Variants in ZNF425 observed in about 807,000 individuals in gnomAD.
The protein encoded by ZNF425 is zinc finger protein 425.
A neutral mutation model predicts 17.0 loss-of-function variants in ZNF425; 21 were observed. The ratio of observed to expected loss-of-function variants is 1.23; its 90% CI spans 0.88 to 1.78. The LOEUF is 1.78. Ranked by LOEUF, ZNF425 falls within the 40% of genes most tolerant of loss-of-function variation. The pLI, the probability that ZNF425 is intolerant of heterozygous loss-of-function variation, is 0.00. For missense variants in ZNF425, 868 were observed against 967.3 expected, an observed-to-expected ratio of 0.90 and a Z score of 1.36; for synonymous variants, 433 against 384.1, an observed-to-expected ratio of 1.13 and a Z score of -1.49.
chr7:149,115,287 T>C lies in ZNF425; in HGVS notation c.145+2935A>G, dbSNP rs537501961. On this transcript the variant is annotated intron_variant, in intron 2 of 3. Coordinates refer to ENST00000378061, the MANE Select transcript of ZNF425 (RefSeq NM_001001661.3). Reference sequence around the variant, plus strand: ...CCAACATTCTTGATCAGTGAAGTGATAGAAACAGGAGGTTGTTAAATAACA... The same window carrying C: ...CCAACATTCTTGATCAGTGAAGTGACAGAAACAGGAGGTTGTTAAATAACA... Among the ~76,000 whole-genome samples, 95 of 151,824 alleles carry C rather than the reference T, an allele frequency of 6.3e-4. 1 individual carries two copies. The highest frequency in any genetic ancestry group is 1.5e-3 in the African/African-American group (63 of 41,424).
At position 149,105,475 on chromosome 7, in the gene ZNF425, C is replaced by T. The variant is rs763800444; in HGVS notation, c.396G>A (p.Glu132=). The change falls in exon 4 of 4, where the codon GAG becomes GAA. Residue 132 remains glutamate, a synonymous_variant. Transcript: ENST00000378061. ...CTGTTTGAGCTAATAAAATCTTTCT[C>T]TCTTTCCCTCGTAAGGCAGCACACA... ...QDLCAALRGK[E]RKILLAQTAT... 4 of 1,524,122 alleles carry T rather than the reference C, an allele frequency of 2.6e-6. No individual in the cohort carries two copies. The highest frequency in any genetic ancestry group is 3.5e-6 in the Non-Finnish European group (4 of 1,140,744). The allele number at this position is 1,524,122 out of a possible 1,614,324, so 94.4% of individuals were successfully genotyped here. A position where few individuals can be genotyped will look rare whatever the true frequency, so the allele number is the denominator to read the frequency against.
chr7:149,116,040 C>A (rs58425855), intron 2 of ZNF425, among the ~76,000 whole-genome samples: 6,836 of 152,264 alleles, frequency 0.045, 517 homozygotes, highest in African/African-American at 0.16. Flanking sequence ...TGATACCTCA[C>A]AACAAGACTG....
intron 3 of ZNF425, among the ~76,000 whole-genome samples, chr7:149,108,064 G>GT (rs1431444932): frequency 2.6e-5 from 4 of 151,646 alleles, no homozygotes; most frequent in Non-Finnish European, 5.9e-5. Flanking sequence ...TAGAGATGGG[G>GT]TCTTGTTATG....
intron 1 of ZNF425, among the ~76,000 whole-genome samples, chr7:149,120,953 G>A (rs935216612): frequency 6.6e-6 from 1 of 151,868 alleles, no homozygotes; most frequent in African/African-American, 2.4e-5. Flanking sequence ...TTTGGGGTGG[G>A]CATGTTTTTA....
intron 3 of ZNF425, among the ~76,000 whole-genome samples, chr7:149,109,957 A>G (rs1421214482): frequency 6.6e-6 from 1 of 150,508 alleles, no homozygotes; most frequent in Non-Finnish European, 1.5e-5. Context: ...GCTCACTGCA[A>G]CCTCCGCCTC....
chr7:149,105,714 G>A (rs1400050977), intron 3 of ZNF425, 148 bp from the exon 4 acceptor site: 2 of 449,240 alleles, frequency 4.5e-6, no homozygotes, highest in African/African-American at 2.1e-5. Context: ...GCAGTGGTGC[G>A]ATCTCGGCTC....
At chr7:149,120,780 G>A (rs147099656) in intron 1 of ZNF425, among the ~76,000 whole-genome samples, 34 of 152,264 alleles carry the variant, frequency 2.2e-4, no homozygotes, top group South Asian at 6.2e-4. Context: ...CATTCTTGTC[G>A]TTAAGCAACC....
chr7:149,112,549 C>G (rs537670285), intron 2 of ZNF425, among the ~76,000 whole-genome samples: 2 of 152,324 alleles, frequency 1.3e-5, no homozygotes, highest in Admixed American at 6.5e-5. Flanking sequence ...GCGAGAATCA[C>G]TTGAACCTGG....
In ZNF425 at chr7:149,124,684, G is replaced by A. The variant is rs192151783; in HGVS notation, c.18+1512C>T. 1.2e-4 allele frequency among the ~76,000 whole-genome samples: 18 copies of A among 152,272 alleles called. No individual in the cohort carries two copies. In the East Asian group the frequency reaches 3.5e-3, roughly 29 times the overall value. ...AGCCTCCCCAGTAGCTGAGATTACA[G>A]GCATGCACCACCATGCCAGGCTAAT... On this transcript the variant is annotated intron_variant, in intron 1 of 3. Transcript: ENST00000378061.
intron 2 of ZNF425, among the ~76,000 whole-genome samples, chr7:149,114,783 TAA>T (rs75085279): frequency 0.057 from 6,522 of 114,636 alleles, 472 homozygotes; most frequent in African/African-American, 0.19. Context: ...ACACTGTGAG[TAA>T]AAAAAAAAAA....
At chr7:149,107,312 G>T (rs925286268) in intron 3 of ZNF425, among the ~76,000 whole-genome samples, 38 of 147,276 alleles carry the variant, frequency 2.6e-4, no homozygotes, top group Non-Finnish European at 1.0e-4. Flanking sequence ...TTATAAGAAT[G>T]ATTTATTTAT....
chr7:149,124,788 G>C (rs1305970705), intron 1 of ZNF425, among the ~76,000 whole-genome samples: 1 of 152,034 alleles, frequency 6.6e-6, no homozygotes, highest in South Asian at 2.1e-4. Context: ...TGATCCGCCC[G>C]CCTCAGCCTC....
Position 149,103,725 on chromosome 7 carries a change from G to A in ZNF425, c.2146C>T (p.His716Tyr). The change falls in exon 4 of 4, where the codon CAC becomes TAC. Residue 716 changes from histidine (H) to tyrosine (Y), a missense_variant. This residue lies in a region of ZNF425 where 437 missense variants were observed against 444.2 expected (regional missense o/e 0.98). Transcript: ENST00000378061. ...CAAGAAAAAGGCCTCTCCCCACTGT[G>A]AAGGCACAGATGGGCCTTCAGGCTT... ...KRSLKAHLCL[H>Y]SGERPFSCDE... 1.9e-6 allele frequency: 3 copies of A among 1,614,202 alleles called. No homozygotes were observed. The highest frequency in any genetic ancestry group is 2.5e-6 in the Non-Finnish European group (3 of 1,180,044).
Position 149,105,123 on chromosome 7 carries a change from C to T in ZNF425, c.748G>A (p.Glu250Lys). Residue 250 changes from glutamate (E) to lysine (K), a missense_variant, in exon 4 of 4, where the codon GAG becomes AAG. Glu to Lys is a moderately conservative substitution (Grantham distance 56). This residue lies in a region of ZNF425 where 243 missense variants were observed against 265.2 expected (regional missense o/e 0.92). Coordinates refer to ENST00000378061, the MANE Select transcript of ZNF425 (RefSeq NM_001001661.3). The part of the protein sequence containing the change: ...LCQKKRFQCS[E>K]CEKSYFLKGS... ...TTCAGGAAGTAGCTCTTCTCACACT[C>T]ACTGCACTGGAACCGCTTCTTCTGA... is the stretch of plus-strand genomic sequence containing the variant. The T allele has an allele frequency of 6.2e-7, 1 of 1,614,262 alleles. No individual in the cohort carries two copies. Among genetic ancestry groups the T allele is most frequent in the East Asian group, 2.2e-5 (1 of 44,892 alleles).
intron 3 of ZNF425, among the ~76,000 whole-genome samples, chr7:149,107,163 C>T (rs1826093754): frequency 6.6e-6 from 1 of 151,220 alleles, no homozygotes; most frequent in Non-Finnish European, 1.5e-5. Context: ...TCTTGTCTCC[C>T]TTCTACCAGA....
At chr7:149,119,138 G>C (rs1386419810) in intron 1 of ZNF425, among the ~76,000 whole-genome samples, 1 of 142,180 alleles carries the variant, frequency 7.0e-6, no homozygotes, top group African/African-American at 2.6e-5. Flanking sequence ...TTGAGATGGA[G>C]TCTCTCTCTG....
intron 1 of ZNF425, among the ~76,000 whole-genome samples, chr7:149,119,243 CT>C (rs776132397): frequency 8.6e-5 from 13 of 151,846 alleles, no homozygotes; most frequent in Non-Finnish European, 1.5e-4. Context: ...TCCCAAGTAG[CT>C]GGGATTACGG....
intron 1 of ZNF425, among the ~76,000 whole-genome samples, chr7:149,124,089 C>T (rs1436062666): frequency 6.6e-6 from 1 of 150,926 alleles, no homozygotes; most frequent in Non-Finnish European, 1.5e-5. Context: ...CCTCGTGATC[C>T]GCCCGGCTCG....
intron 3 of ZNF425, among the ~76,000 whole-genome samples, chr7:149,110,474 G>A (rs1563146226): frequency 6.6e-6 from 1 of 151,148 alleles, no homozygotes; most frequent in Admixed American, 6.6e-5. Context: ...GCTGAGGCAG[G>A]AGAATTGCTT....
Sources: allele counts gnomAD v4.1 joint callset (sites outside exome capture counted in the v4.1 genomes callset), GRCh38; gene constraint gnomAD v4.1.1; regional missense constraint gnomAD v4.1.1; transcripts MANE v1.5; gene names NCBI Gene and HGNC (gene_info 2026-07-23, HGNC 2026-07-21).